The following TYW3 variants were observed in gnomAD, a reference collection of about 807,000 sequenced individuals.
TYW3 encodes the protein tRNA-yW synthesizing protein 3 homolog, also known as tRNA wybutosine-synthesizing protein 3 homolog.
A neutral mutation model predicts 23.1 loss-of-function variants in TYW3; 26 were observed. The observed-to-expected ratio is 1.13, with a 90% CI of 0.83 to 1.56. The LOEUF (loss-of-function observed/expected upper bound fraction) is 1.56, where lower values mean the gene tolerates loss of function less well. Among genes scored for constraint, TYW3 ranks in the 40% most tolerant of loss-of-function variants. The pLI, the probability that TYW3 is intolerant of heterozygous loss-of-function variation, is 0.00. For missense variants in TYW3, 316 were observed against 311.9 expected (o/e 1.01, Z -0.10); for synonymous variants, 102 against 105.7 (o/e 0.97, Z 0.21).
intron 3 of TYW3, among the ~76,000 whole-genome samples, chr1:74,741,714 A>G (rs1648368091): frequency 6.6e-6 from 1 of 152,202 alleles, no homozygotes; most frequent in Non-Finnish European, 1.5e-5. Flanking sequence ...TTTGTGAGAA[A>G]AGTTCTTCCA....
At chr1:74,737,834 T>C (rs1293273579) in intron 2 of TYW3, among the ~76,000 whole-genome samples, 1 of 152,110 alleles carries the variant, frequency 6.6e-6, no homozygotes, top group African/African-American at 2.4e-5. Context: ...CATTTGCTTA[T>C]AGCAGGAGGG....
At chr1:74,753,556 C>G (rs1309823915) in intron 5 of TYW3, among the ~76,000 whole-genome samples, 2 of 152,214 alleles carry the variant, frequency 1.3e-5, no homozygotes, top group Non-Finnish European at 2.9e-5. Context: ...GTTACTCAGT[C>G]TGGTTCCACC....
At chr1:74,739,435 A>G (rs570916484) in intron 3 of TYW3, among the ~76,000 whole-genome samples, 10 of 152,386 alleles carry the variant, frequency 6.6e-5, no homozygotes, top group Admixed American at 5.2e-4. Flanking sequence ...AATAGAGAAC[A>G]GTGCAAAAAG....
chr1:74,746,608 A>G (rs1648574937), intron 3 of TYW3, among the ~76,000 whole-genome samples: 1 of 152,162 alleles, frequency 6.6e-6, no homozygotes, highest in Non-Finnish European at 1.5e-5. Flanking sequence ...GTCCTTACCT[A>G]AGGAGCTTAT....
chr1:74,759,026 G>A (rs1649045639), intron 5 of TYW3, among the ~76,000 whole-genome samples: 1 of 152,180 alleles, frequency 6.6e-6, no homozygotes, highest in African/African-American at 2.4e-5. Context: ...TGAGTGTCTG[G>A]AATGAGAATA....
chr1:74,761,080 T>G (rs1269202061), intron 5 of TYW3, among the ~76,000 whole-genome samples: 3 of 152,056 alleles, frequency 2.0e-5, no homozygotes, highest in African/African-American at 7.2e-5. Context: ...TTTTTTTTCC[T>G]TAAATCTCAG....
rs1047308926 is a variant in TYW3 at position 74,765,456 on chromosome 1, G to A, written c.*1343G>A. ...CTAGATGACAATGTCAGTGGCACTC[G>A]AAGTTGTGCAGTGCACATTCTTATC... On this transcript the variant is annotated 3_prime_UTR_variant, in exon 6 of 6. Transcript: ENST00000370867. 5 of 152,062 alleles carry A rather than the reference G, an allele frequency of 3.3e-5. No homozygotes were observed. Among genetic ancestry groups the A allele is most frequent in the African/African-American group, 4.8e-5 (2 of 41,410 alleles). 9.4% of individuals were successfully genotyped at this position (152,062 alleles called of 1,614,324 possible).
At chr1:74,752,252 G>A (rs771487402) in intron 4 of TYW3, 40 bp from the exon 5 acceptor site, 2 of 1,549,506 alleles carry the variant, frequency 1.3e-6, no homozygotes, top group African/African-American at 1.4e-5. Context: ...AGTTTCTGTG[G>A]TATCTAAGTC....
chr1:74,754,023 A>G (rs1472427714), intron 5 of TYW3, among the ~76,000 whole-genome samples: 1 of 152,156 alleles, frequency 6.6e-6, no homozygotes, highest in Non-Finnish European at 1.5e-5. Context: ...ATTCTAACTA[A>G]AGTAATACTT....
At position 74,754,154 on chromosome 1, in the gene TYW3, T is replaced by C. The variant is rs1648877011; in HGVS notation, c.560+1729T>C. On this transcript the variant is annotated intron_variant, in intron 5 of 5. Coordinates refer to ENST00000370867, the MANE Select transcript of TYW3 (RefSeq NM_138467.3). Reference sequence around the variant, plus strand: ...TCCAGTGAGACTGTTTGCTAAAACATAGGAGGTAGCAAATCAGTTTTCTCT... The same window carrying C: ...TCCAGTGAGACTGTTTGCTAAAACACAGGAGGTAGCAAATCAGTTTTCTCT... Among the ~76,000 whole-genome samples, 5 of 152,308 alleles carry C rather than the reference T, an allele frequency of 3.3e-5. 1 individual carries two copies. The South Asian group carries it at 1.0e-3, about 32-fold the overall frequency.
chr1:74,755,991 T>A (rs1351426150), intron 5 of TYW3, among the ~76,000 whole-genome samples: 4 of 152,102 alleles, frequency 2.6e-5, no homozygotes, highest in African/African-American at 7.2e-5. Flanking sequence ...ATCTGACGGT[T>A]TTAAAAACGG....
intron 5 of TYW3, among the ~76,000 whole-genome samples, chr1:74,762,514 T>A (rs72973630): frequency 0.033 from 4,972 of 152,184 alleles, 255 homozygotes; most frequent in African/African-American, 0.11. Flanking sequence ...ATTTATTCAA[T>A]ATAGTCTTAC....
At chr1:74,746,054 T>C (rs28683801) in intron 3 of TYW3, among the ~76,000 whole-genome samples, 59,797 of 152,118 alleles carry the variant, frequency 0.39, 14,404 homozygotes, top group Non-Finnish European at 0.55. Flanking sequence ...CATCAACATA[T>C]GAATTTTGAA....
intron 5 of TYW3, among the ~76,000 whole-genome samples, chr1:74,755,680 A>G (rs1648929068): frequency 6.6e-6 from 1 of 152,236 alleles, no homozygotes; most frequent in South Asian, 2.1e-4. Context: ...TGTTGGATAT[A>G]TACTCAGAAG....
rs564331815 is a variant in TYW3, at chr1:74,764,948, G to A, written c.*835G>A. 1 of 152,324 alleles carries A rather than the reference G, an allele frequency of 6.6e-6. No homozygotes were observed. Among genetic ancestry groups the A allele is most frequent in the Admixed American group, 6.5e-5 (1 of 15,284 alleles). 9.4% of individuals were successfully genotyped at this position (152,324 alleles called of 1,614,324 possible). On this transcript the variant is annotated 3_prime_UTR_variant, in exon 6 of 6. Transcript: ENST00000370867. ...GAGTCAAGGTAGTTGATGCCCAACT[G>A]TGAAGGGCCGTTCTAATCTAGCATG...
At chr1:74,740,921 C>T (rs1226969944) in intron 3 of TYW3, among the ~76,000 whole-genome samples, 1 of 152,214 alleles carries the variant, frequency 6.6e-6, no homozygotes, top group Non-Finnish European at 1.5e-5. Flanking sequence ...TCTCTCAATC[C>T]ACCCTCTAAA....
chr1:74,752,243 G>T lies in TYW3; in HGVS notation c.427-49G>T, dbSNP rs1300456092. The T allele has an allele frequency of 3.3e-6, 5 of 1,537,336 alleles. No individual in the cohort carries two copies. The East Asian group carries it at 1.1e-4, about 35-fold the overall frequency. The stretch of plus-strand genomic sequence containing the variant: ...CGGGACTTTTCTTGAGTTATTTTCA[G>T]TTTCTGTGGTATCTAAGTCTTCATA... On this transcript the variant is annotated intron_variant, in intron 4 of 5. Coordinates refer to ENST00000370867, the MANE Select transcript of TYW3 (RefSeq NM_138467.3).
chr1:74,743,854 G>A (rs1209078672), intron 3 of TYW3, among the ~76,000 whole-genome samples: 25 of 152,168 alleles, frequency 1.6e-4, no homozygotes, highest in Admixed American at 1.6e-3. Context: ...TCTAACAGTA[G>A]CATGACATCT....
intron 3 of TYW3, among the ~76,000 whole-genome samples, chr1:74,747,980 A>G (rs1648646983): frequency 6.6e-6 from 1 of 152,190 alleles, no homozygotes; most frequent in African/African-American, 2.4e-5. Flanking sequence ...AAAGGAGAGC[A>G]TGTACTTAGA....
Sources: allele counts gnomAD v4.1 joint callset (sites outside exome capture counted in the v4.1 genomes callset), GRCh38; gene constraint gnomAD v4.1.1; transcripts MANE v1.5; gene names NCBI Gene and HGNC (gene_info 2026-07-23, HGNC 2026-07-21).